The following DLC1 variants were observed in gnomAD, a reference collection of about 807,000 sequenced individuals.
DLC1 encodes the protein DLC1 Rho GTPase activating protein.
A neutral mutation model predicts 140.3 loss-of-function variants in DLC1; 54 were observed. That is an observed-to-expected ratio of 0.38 (90% CI 0.31 to 0.48). DLC1 has a LOEUF of 0.48. Among genes scored for constraint, DLC1 ranks in the 20% least tolerant of loss-of-function variants. The probability of loss-of-function intolerance (pLI) is 0.96; values close to 1 mark genes in which losing one functional copy is unlikely to be tolerated. For synonymous variants in DLC1, 986 were observed against 728.1 expected (o/e 1.35, Z -5.70); for missense variants, 2,536 against 1,907.0 (o/e 1.33, Z -6.14).
intron 1 of DLC1, among the ~76,000 whole-genome samples, chr8:13,511,166 G>C (rs967145666): frequency 1.3e-5 from 2 of 152,088 alleles, no homozygotes; most frequent in Non-Finnish European, 1.5e-5. Flanking sequence ...TAACAGGGCT[G>C]ATTTTCTCTT....
chr8:13,428,609 G>C (rs1838709640), intron 2 of DLC1, among the ~76,000 whole-genome samples: 1 of 152,148 alleles, frequency 6.6e-6, no homozygotes, highest in African/African-American at 2.4e-5. Context: ...TGGTGACCCA[G>C]CTGCTCCAGG....
chr8:13,554,912 T>C (rs1436503744), intron 1 of DLC1, among the ~76,000 whole-genome samples: 1 of 152,246 alleles, frequency 6.6e-6, no homozygotes, highest in Non-Finnish European at 1.5e-5. Context: ...CCCTACATGA[T>C]TGGGTTTTCA....
chr8:13,089,617 T>A (rs1293869376), intron 15 of DLC1, among the ~76,000 whole-genome samples: 1 of 152,066 alleles, frequency 6.6e-6, no homozygotes, highest in African/African-American at 2.4e-5. Context: ...AGAGCAAGAC[T>A]CCATCTCAAA....
At chr8:13,255,891 T>G (rs1830204625) in intron 5 of DLC1, among the ~76,000 whole-genome samples, 1 of 152,242 alleles carries the variant, frequency 6.6e-6, no homozygotes, top group African/African-American at 2.4e-5. Flanking sequence ...CCCTTTTTAT[T>G]GTTTAATGTA....
At chr8:13,568,953 A>T (rs1804550088) in intron 1 of DLC1, among the ~76,000 whole-genome samples, 1 of 152,194 alleles carries the variant, frequency 6.6e-6, no homozygotes, top group South Asian at 2.1e-4. Context: ...GGGAAGAAGA[A>T]GTAAAGCTGG....
rs182713116 is a variant in DLC1, at chr8:13,423,301, C to T, written c.1024-21682G>A. Among the ~76,000 whole-genome samples the T allele has an allele frequency of 3.1e-3, 474 of 152,160 alleles. 1 individual carries two copies. Among genetic ancestry groups the T allele is most frequent in the Middle Eastern group, 6.8e-3 (2 of 294 alleles). On this transcript the variant is annotated intron_variant, in intron 2 of 17. Coordinates refer to ENST00000276297, the MANE Select transcript of DLC1 (RefSeq NM_182643.3). ...AATAAAATGAACATTTTCTGCTCTT[C>T]CTGTGATCCCTACTACCTCACAGGG...
rs915490161 is a variant in DLC1, at chr8:13,265,836, A to G, written c.1348+39433T>C. ...TCTTCCAGTTTATTAACACTTGGCT[A>G]TGATATGCTAATCCTTCGGGTATGC... On this transcript the variant is annotated intron_variant, in intron 5 of 17. Transcript: ENST00000276297. 1.2e-4 allele frequency among the ~76,000 whole-genome samples: 18 copies of G among 151,398 alleles called. 1 individual carries two copies. The highest frequency in any genetic ancestry group is 2.0e-4 in the East Asian group (1 of 5,116).
chr8:13,384,600 A>C (rs1836431274), intron 4 of DLC1, among the ~76,000 whole-genome samples: 1 of 134,474 alleles, frequency 7.4e-6, no homozygotes, highest in African/African-American at 2.7e-5. Flanking sequence ...CATCCACAGA[A>C]GAAAAAATGT....
At chr8:13,597,712 G>A (rs894831722) in intron 1 of DLC1, among the ~76,000 whole-genome samples, 1 of 152,036 alleles carries the variant, frequency 6.6e-6, no homozygotes, top group Non-Finnish European at 1.5e-5. Flanking sequence ...GAAAATGTGT[G>A]TATATTTAAT....
chr8:13,304,940 A>G (rs892639508), intron 5 of DLC1: 1 of 1,018,566 alleles, frequency 9.8e-7, no homozygotes, highest in Non-Finnish European at 1.2e-6. Context: ...AACCTTGGTA[A>G]TTATTAATAA....
At chr8:13,150,413 T>A (rs1029503250) in intron 5 of DLC1, among the ~76,000 whole-genome samples, 4 of 152,160 alleles carry the variant, frequency 2.6e-5, no homozygotes, top group African/African-American at 9.7e-5. Flanking sequence ...TTTTTTTTTC[T>A]TTGTCGCCAA....
intron 4 of DLC1, among the ~76,000 whole-genome samples, chr8:13,354,592 T>A (rs1834833536): frequency 6.6e-6 from 1 of 152,126 alleles, no homozygotes; most frequent in African/African-American, 2.4e-5. Context: ...ACATTTCACT[T>A]TTCGGAATGC....
chr8:13,146,546 A>T (rs1285665338), intron 5 of DLC1, among the ~76,000 whole-genome samples: 1 of 151,828 alleles, frequency 6.6e-6, no homozygotes, highest in Non-Finnish European at 1.5e-5. Context: ...AATATTATTA[A>T]TAATAATAGT....
chr8:13,340,221 G>C (rs1833979560), intron 4 of DLC1: 1 of 152,168 alleles, frequency 6.6e-6, no homozygotes, highest in Non-Finnish European at 1.5e-5. Context: ...TTTTTTTTGA[G>C]ATGGAATCTC....
At position 13,299,456 on chromosome 8, in the gene DLC1, GA is replaced by G. The variant is rs1254510087; in HGVS notation, c.1348+5812del. Among the ~76,000 whole-genome samples the G allele has an allele frequency of 6.6e-3, 472 of 71,312 alleles. 7 individuals carry two copies. The highest frequency in any genetic ancestry group is 0.018 in the African/African-American group (354 of 19,952). 46.8% of individuals were successfully genotyped at this position (71,312 alleles called of 152,430 possible). On this transcript the variant is annotated intron_variant, in intron 5 of 17. Transcript: ENST00000276297. ...AGAGCAAAACTCCTTCCCAAAAAAA[GA>G]AAAAAAAAAAAGCTCCTCATCTTTT...
chr8:13,255,166 C>T (rs56413991), intron 5 of DLC1, among the ~76,000 whole-genome samples: 13,796 of 151,944 alleles, frequency 0.091, 717 homozygotes, highest in South Asian at 0.17. Flanking sequence ...AGATGGGTTT[C>T]TGCCATGTTT....
intron 1 of DLC1, among the ~76,000 whole-genome samples, chr8:13,588,932 C>A (rs1488809670): frequency 6.6e-6 from 1 of 152,148 alleles, no homozygotes; most frequent in South Asian, 2.1e-4. Context: ...TACATTACCC[C>A]AAGGCAGTCA....
intron 7 of DLC1, among the ~76,000 whole-genome samples, chr8:13,105,781 G>A (rs1819516551): frequency 6.6e-6 from 1 of 152,042 alleles, no homozygotes; most frequent in South Asian, 2.1e-4. Context: ...GGTTTGCCAT[G>A]TTGCCCGGCT....
chr8:13,417,954 C>G (rs1247597637), intron 2 of DLC1, among the ~76,000 whole-genome samples: 2 of 152,172 alleles, frequency 1.3e-5, no homozygotes, highest in Non-Finnish European at 2.9e-5. Flanking sequence ...TTGCATTTCT[C>G]TGATGGCCAG....
Sources: gnomAD v4.1 joint callset for allele counts (sites outside exome capture counted in the v4.1 genomes callset) on GRCh38, gnomAD v4.1.1 for gene constraint, MANE v1.5 for transcripts, NCBI Gene and HGNC (gene_info 2026-07-23, HGNC 2026-07-21) for gene names.